Variants in EIF4G3 observed in about 807,000 individuals in gnomAD.
The protein encoded by EIF4G3 is eIF-4-gamma 3.
EIF4G3 carries 34 observed loss-of-function variants against 186.4 expected under a neutral mutation model. The observed-to-expected ratio is 0.18, with a 90% CI of 0.14 to 0.24. The LOEUF is 0.24. EIF4G3 is among the 10% of genes least tolerant of loss of function. The pLI is 1.00. For missense variants in EIF4G3, 1,536 were observed against 1,948.5 expected (o/e 0.79, Z 3.99); for synonymous variants, 673 against 679.5 (o/e 0.99, Z 0.15).
intron 17 of EIF4G3, 121 bp downstream of exon 17, chr1:20,895,247 A>C: frequency 8.8e-7 from 1 of 1,133,838 alleles, no homozygotes; most frequent in East Asian, 2.4e-5. Context: ...TAAACATTAG[A>C]TATTTTTACA....
intron 4 of EIF4G3, among the ~76,000 whole-genome samples, chr1:21,020,006 G>A (rs2090287526): frequency 6.6e-6 from 1 of 152,158 alleles, no homozygotes; most frequent in Non-Finnish European, 1.5e-5. Context: ...ATGTCAATGA[G>A]GGTTCTGTTA....
chr1:21,008,666 AAATCAAT>A (rs1033873714), intron 4 of EIF4G3, among the ~76,000 whole-genome samples: 2 of 152,166 alleles, frequency 1.3e-5, no homozygotes, highest in African/African-American at 4.8e-5. Flanking sequence ...ATTTATTATT[AAATCAAT>A]AAAGAGATAT....
At position 20,829,145 on chromosome 1, in the gene EIF4G3, A is replaced by G. The variant is rs141863024; in HGVS notation, c.4187+2T>C. The G allele has an allele frequency of 1.9e-5, 31 of 1,613,162 alleles. No individual in the cohort carries two copies. The African/African-American group carries it at 4.0e-4, about 21-fold the overall frequency. On this transcript the variant is annotated splice_donor_variant, in intron 31 of 36. Transcript: ENST00000602326. LOFTEE classifies it high-confidence loss of function. Reference sequence around the variant, plus strand: ...ATATCAAGAGAAACAAGTATAACTTACATGGTAAGTTCTCTCATGGAGATT... The same window carrying G: ...ATATCAAGAGAAACAAGTATAACTTGCATGGTAAGTTCTCTCATGGAGATT...
At chr1:21,144,903 G>A (rs949697290) in intron 2 of EIF4G3, among the ~76,000 whole-genome samples, 17 of 152,130 alleles carry the variant, frequency 1.1e-4, no homozygotes, top group Non-Finnish European at 1.3e-4. Flanking sequence ...GGTAACGCAC[G>A]TACTGATAAG....
At chr1:20,981,563 CATGTAT>C (rs2078048329) in intron 8 of EIF4G3, among the ~76,000 whole-genome samples, 2 of 119,164 alleles carry the variant, frequency 1.7e-5, no homozygotes, top group African/African-American at 3.4e-5. Flanking sequence ...TACATACATA[CATGTAT>C]ACGCACATAC....
At position 20,810,103 on chromosome 1, in the gene EIF4G3, TG is replaced by T. The variant is rs748033526; in HGVS notation, c.4744+634del. On this transcript the variant is annotated intron_variant, in intron 36 of 36. Coordinates refer to ENST00000602326, the MANE Select transcript of EIF4G3 (RefSeq NM_001391906.1). This position sits in a 1 kb window ranked among gnomAD's most constrained non-coding sequence, Gnocchi z 4.1. ...CTCGTGCTTCAGCTTTCTGAGTAGC[TG>T]TAGCTGGGACTACAGGCACATGCCA... Among the ~76,000 whole-genome samples the T allele has an allele frequency of 3.3e-5, 5 of 152,148 alleles. No individual in the cohort carries two copies. The highest frequency in any genetic ancestry group is 7.4e-5 in the Non-Finnish European group (5 of 67,980).
chr1:20,955,240 T>TG (rs973333550), intron 12 of EIF4G3, among the ~76,000 whole-genome samples: 15 of 150,824 alleles, frequency 9.9e-5, no homozygotes, highest in Admixed American at 4.0e-4. Flanking sequence ...ATTTTTTAGT[T>TG]TTTTTTTTTG....
chr1:20,882,715 G>C (rs2082793475), intron 19 of EIF4G3, among the ~76,000 whole-genome samples: 3 of 152,022 alleles, frequency 2.0e-5, no homozygotes, highest in Admixed American at 6.6e-5. Flanking sequence ...GCTGAGGTGG[G>C]AGCCCAGGAG....
In EIF4G3 at chr1:20,810,689, A is replaced by G. The variant is rs555746099; in HGVS notation, c.4744+49T>C. ...AAATCATCTCTAAGTCCTGGCTTGG[A>G]TAAATCTCACTCATTGGTTAGATTA... On this transcript the variant is annotated intron_variant, in intron 36 of 36. Coordinates refer to ENST00000602326, the MANE Select transcript of EIF4G3 (RefSeq NM_001391906.1). This position sits in a 1 kb window ranked among gnomAD's most constrained non-coding sequence, Gnocchi z 4.1. 12 of 1,594,254 alleles carry G rather than the reference A, an allele frequency of 7.5e-6. No homozygotes were observed. In the African/African-American group the frequency reaches 1.5e-4, roughly 20 times the overall value.
chr1:21,043,416 T>C (rs545605269), intron 4 of EIF4G3, among the ~76,000 whole-genome samples: 2 of 152,222 alleles, frequency 1.3e-5, no homozygotes, highest in African/African-American at 4.8e-5. Flanking sequence ...GGGTGAGAAG[T>C]CTGAAAAATA....
rs576410892 is a variant in EIF4G3, at chr1:20,810,046, G to C, written c.4744+692C>G. Reference sequence around the variant, plus strand: ...AGTGCAGTGGCGCCATCTTGGCTTAGTGCAAACTCCGCCTCCCAGGTTCAA... The same window carrying C: ...AGTGCAGTGGCGCCATCTTGGCTTACTGCAAACTCCGCCTCCCAGGTTCAA... On this transcript the variant is annotated intron_variant, in intron 36 of 36. Coordinates refer to ENST00000602326, the MANE Select transcript of EIF4G3 (RefSeq NM_001391906.1). This position sits in a 1 kb window ranked among gnomAD's most constrained non-coding sequence, Gnocchi z 4.1. 9.2e-5 allele frequency among the ~76,000 whole-genome samples: 14 copies of C among 151,396 alleles called. No individual in the cohort carries two copies. Among genetic ancestry groups the C allele is most frequent in the Non-Finnish European group, 1.5e-4 (10 of 67,930 alleles).
intron 2 of EIF4G3, among the ~76,000 whole-genome samples, chr1:21,130,282 T>TG (rs1334177883): frequency 2.1e-5 from 3 of 140,460 alleles, no homozygotes; most frequent in Non-Finnish European, 4.5e-5. Context: ...TAGGGTGCAG[T>TG]GGGGCAATCT....
intron 2 of EIF4G3, among the ~76,000 whole-genome samples, chr1:21,104,613 C>T (rs2101924034): frequency 6.6e-6 from 1 of 152,308 alleles, no homozygotes; most frequent in South Asian, 2.1e-4. Context: ...TGCTTATATA[C>T]TGCTAGTGTG....
chr1:20,825,253 A>G, intron 32 of EIF4G3, 55 bp from the exon 33 acceptor site: 4 of 861,722 alleles, frequency 4.6e-6, no homozygotes, highest in South Asian at 3.9e-5. Context: ...AAGAAACAGA[A>G]AAAAAAAAAA....
At chr1:20,989,552 C>T (rs76295903) in intron 7 of EIF4G3, among the ~76,000 whole-genome samples, 1 of 99,776 alleles carries the variant, frequency 1.0e-5, no homozygotes, top group Non-Finnish European at 1.9e-5. Flanking sequence ...AGCAAAACTC[C>T]AACTCAAAAA....
At chr1:21,030,022 AT>A (rs543710879) in intron 4 of EIF4G3, among the ~76,000 whole-genome samples, 118 of 152,014 alleles carry the variant, frequency 7.8e-4, no homozygotes, top group Non-Finnish European at 1.6e-3. Flanking sequence ...TGCCCAACTA[AT>A]TTTTAAAAAT....
At chr1:21,041,217 A>C (rs1490884158) in intron 4 of EIF4G3, among the ~76,000 whole-genome samples, 1 of 152,072 alleles carries the variant, frequency 6.6e-6, no homozygotes, top group Non-Finnish European at 1.5e-5. Context: ...TGCTTTCTGC[A>C]GTTATTAATC....
intron 19 of EIF4G3, among the ~76,000 whole-genome samples, chr1:20,885,843 A>G (rs1390603669): frequency 1.3e-5 from 2 of 152,250 alleles, no homozygotes; most frequent in Non-Finnish European, 2.9e-5. Context: ...AGGCCTGACA[A>G]GGAACATAAA....
At chr1:21,155,108 CA>C (rs1284411546) in intron 2 of EIF4G3, among the ~76,000 whole-genome samples, 1 of 151,594 alleles carries the variant, frequency 6.6e-6, no homozygotes, top group Admixed American at 6.6e-5. Flanking sequence ...ACTAAAAATA[CA>C]AAACCTACCT....
Sources: allele counts gnomAD v4.1 joint callset (sites outside exome capture counted in the v4.1 genomes callset), GRCh38; gene constraint gnomAD v4.1.1; non-coding constraint Gnocchi (gnomAD v3.1); transcripts MANE v1.5; gene names NCBI Gene and HGNC (gene_info 2026-07-23, HGNC 2026-07-21).